EYS: variants seen among roughly 807,000 people sequenced by gnomAD.
The protein encoded by EYS is protein eyes shut homolog.
EYS carries 250 observed loss-of-function variants against 282.1 expected under a neutral mutation model. That is an observed-to-expected ratio of 0.89 (90% CI 0.80 to 0.98). EYS has a LOEUF of 0.98. Among genes scored for constraint, EYS ranks in the 50% least tolerant of loss-of-function variants. The pLI is 0.00. For missense variants in EYS, 4,016 were observed against 3,709.0 expected, an observed-to-expected ratio of 1.08 and a Z score of -2.15; for synonymous variants, 1,355 against 1,282.9, an observed-to-expected ratio of 1.06 and a Z score of -1.20.
At chr6:64,428,501 G>A (rs1310442170) in intron 28 of EYS, among the ~76,000 whole-genome samples, 1 of 152,078 alleles carries the variant, frequency 6.6e-6, no homozygotes, top group Non-Finnish European at 1.5e-5. Context: ...TCAGGTTAGA[G>A]TAAAAAACAT....
intron 28 of EYS, among the ~76,000 whole-genome samples, chr6:64,400,049 A>T (rs2150435490): frequency 6.6e-6 from 1 of 152,100 alleles, no homozygotes; most frequent in East Asian, 1.9e-4. Context: ...GAAATAAATA[A>T]ATGAACAGAA....
rs142584473 is a variant in EYS at position 63,852,785 on chromosome 6, C to T, written c.7228+11401G>A. ...AGCACATCAAAAAGCTTATCTACCA[C>T]GATCAAGTCGACTTCATCCCTGGGA... On this transcript the variant is annotated intron_variant, in intron 36 of 42. Transcript: ENST00000503581. Among the ~76,000 whole-genome samples, 228 of 152,264 alleles carry T rather than the reference C, an allele frequency of 1.5e-3. 2 individuals carry two copies. In the East Asian group the frequency reaches 0.017, roughly 12 times the overall value.
chr6:64,819,437 A>T (rs1335038001), intron 21 of EYS, among the ~76,000 whole-genome samples: 1 of 152,124 alleles, frequency 6.6e-6, no homozygotes, highest in Non-Finnish European at 1.5e-5. Flanking sequence ...AGAATCGTCC[A>T]AAAACTAACC....
chr6:63,937,357 T>C (rs1346922245), intron 35 of EYS, among the ~76,000 whole-genome samples: 3 of 41,212 alleles, frequency 7.3e-5, no homozygotes, highest in African/African-American at 2.4e-4. Flanking sequence ...TTTTTTTTTT[T>C]TTTTTTTTTT....
intron 31 of EYS, among the ~76,000 whole-genome samples, chr6:64,162,894 T>G (rs1016948499): frequency 6.6e-6 from 1 of 152,206 alleles, no homozygotes; most frequent in African/African-American, 2.4e-5. Context: ...CATAGTTTAC[T>G]GTTCAGAAAT....
intron 1 of EYS, among the ~76,000 whole-genome samples, chr6:65,680,130 C>CA (rs1446855625): frequency 2.2e-4 from 33 of 147,860 alleles, no homozygotes; most frequent in African/African-American, 7.6e-4. Flanking sequence ...CAAATGTTCT[C>CA]AATCAATATA....
intron 22 of EYS, among the ~76,000 whole-genome samples, chr6:64,811,911 C>A (rs985187854): frequency 2.6e-5 from 4 of 152,102 alleles, no homozygotes; most frequent in African/African-American, 9.7e-5. Context: ...CAAATACTAA[C>A]AGATTGTAAA....
chr6:64,203,675 A>C (rs771583700), intron 31 of EYS, among the ~76,000 whole-genome samples: 5 of 152,212 alleles, frequency 3.3e-5, no homozygotes, highest in African/African-American at 7.2e-5. Flanking sequence ...GACATTAAAA[A>C]TAAAAAGATT....
At chr6:64,379,785 CT>C (rs1772684932) in intron 29 of EYS, 1 of 151,974 alleles carries the variant, frequency 6.6e-6, no homozygotes, top group Non-Finnish European at 1.5e-5. Context: ...AATTTATATG[CT>C]GAGGAAATGG....
intron 35 of EYS, among the ~76,000 whole-genome samples, chr6:63,962,905 T>C (rs1052500295): frequency 1.3e-5 from 2 of 152,136 alleles, no homozygotes; most frequent in Non-Finnish European, 2.9e-5. Context: ...GTGGCACATA[T>C]ACACCATGGA....
intron 31 of EYS, among the ~76,000 whole-genome samples, chr6:64,149,461 A>G (rs1187681916): frequency 6.6e-6 from 1 of 152,192 alleles, no homozygotes; most frequent in Non-Finnish European, 1.5e-5. Context: ...GGAAAGTTAA[A>G]TATTCTCTTA....
chr6:65,562,388 C>T (rs1769098354), intron 2 of EYS, among the ~76,000 whole-genome samples: 1 of 151,934 alleles, frequency 6.6e-6, no homozygotes, highest in Non-Finnish European at 1.5e-5. Flanking sequence ...TCACCTATAA[C>T]TTATTGTAGT....
intron 22 of EYS, among the ~76,000 whole-genome samples, chr6:64,778,899 G>A (rs183104111): frequency 4.9e-4 from 75 of 152,214 alleles, no homozygotes; most frequent in African/African-American, 1.6e-3. Context: ...AGCATATGTA[G>A]CTATCCACGC....
chr6:64,478,615 T>C (rs1776346962), intron 26 of EYS, among the ~76,000 whole-genome samples: 1 of 151,126 alleles, frequency 6.6e-6, no homozygotes. Flanking sequence ...AATATTTATA[T>C]AGTCTACACT....
chr6:65,274,531 A>C (rs1160968316), intron 12 of EYS, among the ~76,000 whole-genome samples: 1 of 152,210 alleles, frequency 6.6e-6, no homozygotes, highest in African/African-American at 2.4e-5. Context: ...ATTCATAAGG[A>C]CCACCAGAAG....
chr6:63,753,138 GTGTA>G lies in EYS; in HGVS notation c.8071+9319_8071+9322del, dbSNP rs1188072185. ...AAAATATGTGTGTGTATGTGTGTGT[GTGTA>G]TATATATATATATATATATATATAT... is the stretch of plus-strand genomic sequence containing the variant. On this transcript the variant is annotated intron_variant, in intron 41 of 42. Coordinates refer to ENST00000503581, the MANE Select transcript of EYS (RefSeq NM_001142800.2). Among the ~76,000 whole-genome samples the G allele has an allele frequency of 2.0e-4, 13 of 64,312 alleles. No individual in the cohort carries two copies. In the East Asian group the frequency reaches 2.8e-3, roughly 14 times the overall value. The allele number at this position is 64,312 out of a possible 152,430, so 42.2% of individuals were successfully genotyped here.
intron 15 of EYS, among the ~76,000 whole-genome samples, chr6:64,918,244 AGGACCACTTTGAAT>A (rs1464831546): frequency 2.6e-5 from 4 of 152,176 alleles, no homozygotes; most frequent in Non-Finnish European, 5.9e-5. Flanking sequence ...TACAAAATTA[AGGACCACTTTGAAT>A]AACAGCCTGA....
intron 16 of EYS, among the ~76,000 whole-genome samples, chr6:64,911,025 A>T (rs1032462300): frequency 1.3e-5 from 2 of 151,938 alleles, no homozygotes; most frequent in Non-Finnish European, 2.9e-5. Context: ...CAGAAATAAT[A>T]ATATGTTTCT....
intron 2 of EYS, among the ~76,000 whole-genome samples, chr6:65,634,999 C>T (rs1431447130): frequency 2.0e-5 from 3 of 152,144 alleles, no homozygotes; most frequent in Non-Finnish European, 2.9e-5. Flanking sequence ...ACCTGAGATG[C>T]CATCTCCTCA....
Sources: allele counts gnomAD v4.1 joint callset (sites outside exome capture counted in the v4.1 genomes callset), GRCh38; gene constraint gnomAD v4.1.1; transcripts MANE v1.5; gene names NCBI Gene and HGNC (gene_info 2026-07-23, HGNC 2026-07-21).